The following ST8SIA6 variants were observed in gnomAD, a reference collection of about 807,000 sequenced individuals.
The protein encoded by ST8SIA6 is ST8 alpha-N-acetyl-neuraminide alpha-2,8-sialyltransferase 6.
ST8SIA6 carries 39 observed loss-of-function variants against 33.6 expected under a neutral mutation model. The ratio of observed to expected loss-of-function variants is 1.16; its 90% confidence interval spans 0.90 to 1.52. The LOEUF (loss-of-function observed/expected upper bound fraction) is 1.52, where lower values mean the gene tolerates loss of function less well. ST8SIA6 is among the 40% of genes most tolerant of loss of function. The probability of loss-of-function intolerance (pLI) is 0.00; values close to 1 mark genes in which losing one functional copy is unlikely to be tolerated. For synonymous variants in ST8SIA6, 172 were observed against 167.2 expected (o/e 1.03, Z -0.22); for missense variants, 441 against 443.8 (o/e 0.99, Z 0.06).
rs979715132 is a variant in ST8SIA6, at chr10:17,316,832, C to A, written c.*4046G>T. Among the ~76,000 whole-genome samples, 1 of 152,012 alleles carries A rather than the reference C, an allele frequency of 6.6e-6. No individual in the cohort carries two copies. Among genetic ancestry groups the A allele is most frequent in the South Asian group, 2.1e-4 (1 of 4,820 alleles). ...GTCTTTTACTTGTTGATTTACAATT[C>A]CTTGGAATGTCTCTCTATTAATGTC... On this transcript the variant is annotated 3_prime_UTR_variant, in exon 8 of 8. Transcript: ENST00000377602.
chr10:17,338,538 T>C (rs952769398), intron 4 of ST8SIA6, among the ~76,000 whole-genome samples: 1 of 152,198 alleles, frequency 6.6e-6, no homozygotes, highest in South Asian at 2.1e-4. Flanking sequence ...CACCATAGCA[T>C]AGATAGTTGT....
At chr10:17,385,679 A>G (rs1309908231) in intron 3 of ST8SIA6, among the ~76,000 whole-genome samples, 1 of 152,070 alleles carries the variant, frequency 6.6e-6, no homozygotes, top group African/African-American at 2.4e-5. Flanking sequence ...GGCTATTTTC[A>G]CTTCTTTTTG....
chr10:17,332,246 A>G (rs1254610395), intron 4 of ST8SIA6, among the ~76,000 whole-genome samples: 2 of 152,208 alleles, frequency 1.3e-5, no homozygotes, highest in African/African-American at 4.8e-5. Context: ...CAGTGCTGCA[A>G]TAAACATACG....
At chr10:17,421,157 G>A (rs1251462955) in intron 2 of ST8SIA6, among the ~76,000 whole-genome samples, 5 of 152,180 alleles carry the variant, frequency 3.3e-5, no homozygotes, top group Non-Finnish European at 2.9e-5. Context: ...AGGCAGCCAC[G>A]TCATGACTGA....
chr10:17,452,673 CAAAAT>C (rs887808385), intron 2 of ST8SIA6, among the ~76,000 whole-genome samples: 1 of 151,724 alleles, frequency 6.6e-6, no homozygotes, highest in African/African-American at 2.4e-5. Context: ...TGATGGCAAA[CAAAAT>C]AAAACAGAAA....
At chr10:17,446,603 C>A (rs765837712) in intron 2 of ST8SIA6, among the ~76,000 whole-genome samples, 2 of 151,826 alleles carry the variant, frequency 1.3e-5, no homozygotes, top group Non-Finnish European at 2.9e-5. Context: ...AGAAGCCATC[C>A]CAGAAAGCAG....
chr10:17,350,150 T>C (rs994821300), intron 4 of ST8SIA6, among the ~76,000 whole-genome samples: 1 of 152,128 alleles, frequency 6.6e-6, no homozygotes, highest in African/African-American at 2.4e-5. Context: ...CCTCCAGTTA[T>C]TGGGCAAGAA....
chr10:17,341,509 T>C (rs1308864888), intron 4 of ST8SIA6, among the ~76,000 whole-genome samples: 3 of 152,110 alleles, frequency 2.0e-5, no homozygotes, highest in East Asian at 3.8e-4. Context: ...AATAAATATT[T>C]TGAAACCCAA....
In ST8SIA6 at chr10:17,425,158, T is replaced by C. The variant is rs1851895775; in HGVS notation, c.200+28401A>G. 7.2e-5 allele frequency among the ~76,000 whole-genome samples: 11 copies of C among 152,044 alleles called. No homozygotes were observed. In the South Asian group the frequency reaches 1.9e-3, roughly 26 times the overall value. On this transcript the variant is annotated intron_variant, in intron 2 of 7. Coordinates refer to ENST00000377602, the MANE Select transcript of ST8SIA6 (RefSeq NM_001004470.3). Reference sequence around the variant, plus strand: ...ATGACTTTCAGAAATTACAAACATATACGTATATTTTATATATATATTTAT... The same window carrying C: ...ATGACTTTCAGAAATTACAAACATACACGTATATTTTATATATATATTTAT...
chr10:17,448,904 G>C (rs1852819012), intron 2 of ST8SIA6, among the ~76,000 whole-genome samples: 1 of 150,796 alleles, frequency 6.6e-6, no homozygotes, highest in Non-Finnish European at 1.5e-5. Context: ...ACAGGCGTGA[G>C]CCATTGCGCC....
chr10:17,397,482 G>T (rs999676949), intron 2 of ST8SIA6, among the ~76,000 whole-genome samples: 1 of 152,154 alleles, frequency 6.6e-6, no homozygotes, highest in Non-Finnish European at 1.5e-5. Context: ...TGATCCGCCC[G>T]CCTCGGCCTC....
chr10:17,340,659 T>C (rs1204577309), intron 4 of ST8SIA6, among the ~76,000 whole-genome samples: 1 of 152,250 alleles, frequency 6.6e-6, no homozygotes, highest in Non-Finnish European at 1.5e-5. Flanking sequence ...GTTTGAGTGT[T>C]ATTTCTTTTG....
intron 4 of ST8SIA6, among the ~76,000 whole-genome samples, chr10:17,348,944 G>C (rs11254541): frequency 6.6e-6 from 1 of 151,996 alleles, no homozygotes; most frequent in Non-Finnish European, 1.5e-5. Flanking sequence ...GGCTCTGCCT[G>C]TACTCGAGCT....
rs1174640538 is a variant in ST8SIA6 at position 17,318,030 on chromosome 10, T to A, written c.*2848A>T. On this transcript the variant is annotated 3_prime_UTR_variant, in exon 8 of 8. Transcript: ENST00000377602. ...GGACCACAGAGTACTATGGACTATA[T>A]ACTTAAATGAATATTTCTGCCTTGC... is the stretch of plus-strand genomic sequence containing the variant. Among the ~76,000 whole-genome samples the A allele has an allele frequency of 1.3e-5, 2 of 152,334 alleles. No individual in the cohort carries two copies. The highest frequency in any genetic ancestry group is 3.9e-4 in the East Asian group (2 of 5,184).
chr10:17,328,192 T>G (rs188959259), intron 5 of ST8SIA6, among the ~76,000 whole-genome samples: 123 of 152,268 alleles, frequency 8.1e-4, no homozygotes, highest in African/African-American at 2.7e-3. Context: ...AATTAATAGG[T>G]GATTTAGCAA....
At chr10:17,414,923 G>A (rs1351264178) in intron 2 of ST8SIA6, among the ~76,000 whole-genome samples, 3 of 151,990 alleles carry the variant, frequency 2.0e-5, no homozygotes, top group African/African-American at 7.3e-5. Flanking sequence ...AAATGTCCCT[G>A]CTCTCATCAA....
At chr10:17,376,416 G>A (rs1214019039) in intron 3 of ST8SIA6, among the ~76,000 whole-genome samples, 1 of 152,034 alleles carries the variant, frequency 6.6e-6, no homozygotes. Context: ...CTAACCAAAT[G>A]GTAGAAACTG....
chr10:17,442,362 CA>C (rs1398931952), intron 2 of ST8SIA6, among the ~76,000 whole-genome samples: 2 of 152,108 alleles, frequency 1.3e-5, no homozygotes, highest in African/African-American at 4.8e-5. Context: ...ACGACAAAAT[CA>C]AAAAATTTAT....
chr10:17,320,681 T>G lies in ST8SIA6; in HGVS notation c.*197A>C. 6.8e-6 allele frequency: 4 copies of G among 590,212 alleles called. No individual in the cohort carries two copies. Among genetic ancestry groups the G allele is most frequent in the Non-Finnish European group, 9.0e-6 (3 of 334,000 alleles). 36.6% of individuals were successfully genotyped at this position (590,212 alleles called of 1,614,324 possible). ...TTGTATGAGTCAGATATGGTGTCCA[T>G]GTTATAAGGAGAAAAAATGAAGATG... On this transcript the variant is annotated 3_prime_UTR_variant, in exon 8 of 8. Transcript: ENST00000377602.
Sources: allele counts gnomAD v4.1 joint callset (sites outside exome capture counted in the v4.1 genomes callset), GRCh38; gene constraint gnomAD v4.1.1; transcripts MANE v1.5; gene names NCBI Gene and HGNC (gene_info 2026-07-23, HGNC 2026-07-21).